SHISA9: variants seen among roughly 807,000 people sequenced by gnomAD.
The protein encoded by SHISA9 is shisa family member 9, also known as protein shisa-9.
A neutral mutation model predicts 38.0 loss-of-function variants in SHISA9; 13 were observed. That is an observed-to-expected ratio of 0.34 (90% CI 0.22 to 0.54). The LOEUF (loss-of-function observed/expected upper bound fraction) is 0.54. Among genes scored for constraint, SHISA9 ranks in the 20% least tolerant of loss-of-function variants. The pLI is 0.91. For synonymous variants in SHISA9, 275 were observed against 242.0 expected, an observed-to-expected ratio of 1.14 and a Z score of -1.27; for missense variants, 538 against 575.8, an observed-to-expected ratio of 0.93 and a Z score of 0.67.
chr16:13,118,338 C>G (rs1287142059), intron 2 of SHISA9, among the ~76,000 whole-genome samples: 1 of 152,066 alleles, frequency 6.6e-6, no homozygotes, highest in Non-Finnish European at 1.5e-5. Flanking sequence ...GGGAATACTT[C>G]CTGGAGCTTT....
chr16:12,927,574 A>ATTT (rs772330327), intron 2 of SHISA9, among the ~76,000 whole-genome samples: 102 of 136,346 alleles, frequency 7.5e-4, no homozygotes, highest in African/African-American at 2.6e-3. Flanking sequence ...ATTTTTTTTG[A>ATTT]TTTTTTTTTT....
At chr16:13,206,859 C>A (rs888836323) in intron 3 of SHISA9, among the ~76,000 whole-genome samples, 15 of 152,180 alleles carry the variant, frequency 9.9e-5, no homozygotes, top group African/African-American at 1.4e-4. Context: ...TTCAAATATA[C>A]TCAGTGTTAC....
rs1408471821 is a variant in SHISA9, at chr16:13,234,961, T to A, written c.896-69T>A. ...GGGTTGACATGCCAGTCTCTAACTC[T>A]CTCTCTCTCTCTCTCTCTCTCTCTC... On this transcript the variant is annotated intron_variant, in intron 4 of 4. Transcript: ENST00000558583. The A allele has an allele frequency of 1.5e-5, 16 of 1,080,910 alleles. No homozygotes were observed. In the African/African-American group the frequency reaches 2.5e-4, roughly 17 times the overall value. 67.0% of individuals were successfully genotyped at this position (1,080,910 alleles called of 1,614,324 possible).
At chr16:13,200,409 A>AACACACAC (rs148088145) in intron 2 of SHISA9, among the ~76,000 whole-genome samples, 2,338 of 136,602 alleles carry the variant, frequency 0.017, 30 homozygotes, top group Middle Eastern at 0.054. Flanking sequence ...TATATCATGA[A>AACACACAC]ACACACACAC....
chr16:13,240,999 T>C (rs953520188), downstream of SHISA9, among the ~76,000 whole-genome samples: 1 of 152,188 alleles, frequency 6.6e-6, no homozygotes, highest in Non-Finnish European at 1.5e-5. Context: ...TATGATATCA[T>C]GTCAGCTACC....
At chr16:12,905,775 G>A (rs976570743) in intron 1 of SHISA9, among the ~76,000 whole-genome samples, 10 of 152,010 alleles carry the variant, frequency 6.6e-5, no homozygotes, top group East Asian at 1.9e-4. Flanking sequence ...TGAATTTTTA[G>A]TAGAGACAGG....
At chr16:13,329,376 C>T in the SHISA9 span, among the ~76,000 whole-genome samples, 2 of 152,126 alleles carry the variant, frequency 1.3e-5, no homozygotes, top group African/African-American at 4.8e-5. Flanking sequence ...TGGGGCAAGA[C>T]GATGAACCCT....
the SHISA9 span, among the ~76,000 whole-genome samples, chr16:13,469,397 G>GA: frequency 2.4e-4 from 29 of 121,324 alleles, no homozygotes; most frequent in African/African-American, 9.4e-4. Flanking sequence ...AAGAAAGAAA[G>GA]AAAGAAAGAA....
chr16:13,394,281 C>T, the SHISA9 span, among the ~76,000 whole-genome samples: 1 of 152,186 alleles, frequency 6.6e-6, no homozygotes, highest in African/African-American at 2.4e-5. Context: ...CTCTACAAAC[C>T]CATAAGCAGC....
chr16:13,281,951 A>T, the SHISA9 span, among the ~76,000 whole-genome samples: 1 of 151,788 alleles, frequency 6.6e-6, no homozygotes, highest in Non-Finnish European at 1.5e-5. Flanking sequence ...TATTTGTTTT[A>T]AACTTCATTT....
the SHISA9 span, among the ~76,000 whole-genome samples, chr16:13,370,909 TTTC>T: frequency 1.3e-5 from 2 of 152,120 alleles, no homozygotes; most frequent in African/African-American, 2.4e-5. Context: ...GCTGGGCACT[TTTC>T]TTAGTGCTTT....
intron 4 of SHISA9, among the ~76,000 whole-genome samples, chr16:13,224,227 CCAAA>C (rs113309912): frequency 6.6e-6 from 1 of 152,106 alleles, no homozygotes; most frequent in African/African-American, 2.4e-5. Context: ...TCTGATATAC[CCAAA>C]CAGTCTCTTT....
chr16:13,315,217 A>G, the SHISA9 span, among the ~76,000 whole-genome samples: 2 of 152,226 alleles, frequency 1.3e-5, no homozygotes, highest in Non-Finnish European at 2.9e-5. Context: ...TGACTGGTAC[A>G]CAGTGATTTG....
intron 4 of SHISA9, among the ~76,000 whole-genome samples, chr16:13,216,716 T>TA (rs1267511505): frequency 6.6e-6 from 1 of 152,070 alleles, no homozygotes; most frequent in Non-Finnish European, 1.5e-5. Context: ...AAGGAAGAGG[T>TA]AGCTGTCAAG....
intron 2 of SHISA9, among the ~76,000 whole-genome samples, chr16:12,930,546 T>A (rs2071449434): frequency 6.6e-6 from 1 of 152,236 alleles, no homozygotes; most frequent in African/African-American, 2.4e-5. Flanking sequence ...TATCATAGTT[T>A]GCCTCCTAAT....
the SHISA9 span, among the ~76,000 whole-genome samples, chr16:13,400,006 C>G: frequency 2.0e-5 from 3 of 152,232 alleles, no homozygotes; most frequent in East Asian, 1.9e-4. Context: ...ATCAGGTGCT[C>G]TCAGTACCCT....
At chr16:13,506,894 T>C in the SHISA9 span, among the ~76,000 whole-genome samples, 1 of 151,820 alleles carries the variant, frequency 6.6e-6, no homozygotes, top group South Asian at 2.1e-4. Flanking sequence ...TAATAAAAAA[T>C]TAGCCGGGCA....
intron 2 of SHISA9, among the ~76,000 whole-genome samples, chr16:13,171,589 A>G (rs570626119): frequency 1.4e-4 from 21 of 152,184 alleles, no homozygotes; most frequent in African/African-American, 5.1e-4. Flanking sequence ...AGGAAATAGT[A>G]CTTGCCAGGG....
At chr16:13,521,367 C>G in the SHISA9 span, among the ~76,000 whole-genome samples, 6 of 152,150 alleles carry the variant, frequency 3.9e-5, no homozygotes, top group Non-Finnish European at 8.8e-5. Context: ...TCTATTTTTT[C>G]CAAAACCCCT....
Sources: allele counts gnomAD v4.1 joint callset (sites outside exome capture counted in the v4.1 genomes callset), GRCh38; gene constraint gnomAD v4.1.1; transcripts MANE v1.5; gene names NCBI Gene and HGNC (gene_info 2026-07-23, HGNC 2026-07-21).